CRYL1: variants seen among roughly 807,000 people sequenced by gnomAD.
CRYL1 encodes the protein lambda-crystallin homolog.
Under a neutral mutation model 36.6 loss-of-function variants are expected in CRYL1, and 29 were observed. The observed-to-expected ratio is 0.79, with a 90% confidence interval of 0.59 to 1.08. The LOEUF is 1.08. CRYL1 is among the 50% of genes least tolerant of loss of function. The probability of loss-of-function intolerance (pLI) is 0.00; values close to 1 mark genes in which losing one functional copy is unlikely to be tolerated. For synonymous variants in CRYL1, 152 were observed against 151.5 expected, an observed-to-expected ratio of 1.00 and a Z score of -0.02; for missense variants, 411 against 407.9, an observed-to-expected ratio of 1.01 and a Z score of -0.06.
At chr13:20,469,862 C>T (rs2033019280) in intron 3 of CRYL1, among the ~76,000 whole-genome samples, 1 of 152,182 alleles carries the variant, frequency 6.6e-6, no homozygotes, top group South Asian at 2.1e-4. Context: ...TGGACTACGA[C>T]CAGGTAAGCC....
At chr13:20,453,171 A>G (rs2032607149) in intron 3 of CRYL1, among the ~76,000 whole-genome samples, 1 of 152,178 alleles carries the variant, frequency 6.6e-6, no homozygotes, top group African/African-American at 2.4e-5. Flanking sequence ...TTCCAAGTTC[A>G]CATGTAATAT....
intron 3 of CRYL1, among the ~76,000 whole-genome samples, chr13:20,473,833 T>C (rs975274344): frequency 3.3e-5 from 5 of 152,158 alleles, no homozygotes; most frequent in Admixed American, 1.3e-4. Context: ...AATAAAACAA[T>C]GGCTCTCACG....
intron 1 of CRYL1, among the ~76,000 whole-genome samples, chr13:20,520,300 G>A (rs2034070574): frequency 6.6e-6 from 1 of 151,562 alleles, no homozygotes; most frequent in African/African-American, 2.4e-5. Context: ...GTGCTTTTCT[G>A]TTTTCAGGGA....
At chr13:20,516,892 G>A (rs2034008899) in intron 1 of CRYL1, among the ~76,000 whole-genome samples, 1 of 152,014 alleles carries the variant, frequency 6.6e-6, no homozygotes, top group South Asian at 2.1e-4. Context: ...GGCAACAGAG[G>A]GAAACTGCAT....
chr13:20,426,958 C>T, intron 5 of CRYL1: 2 of 985,670 alleles, frequency 2.0e-6, no homozygotes, highest in Non-Finnish European at 2.4e-6. Flanking sequence ...CCAAGGTCAG[C>T]AATTTCCGAA....
chr13:20,488,195 C>A (rs2033438620), intron 3 of CRYL1, among the ~76,000 whole-genome samples: 1 of 152,208 alleles, frequency 6.6e-6, no homozygotes, highest in Admixed American at 6.5e-5. Context: ...AGCAACTCTG[C>A]CAAGACCAGG....
chr13:20,516,779 CA>C (rs1330269533), intron 1 of CRYL1, among the ~76,000 whole-genome samples: 1 of 152,094 alleles, frequency 6.6e-6, no homozygotes, highest in East Asian at 1.9e-4. Context: ...CACGCCCGGC[CA>C]AAAGATAATT....
chr13:20,420,879 G>T (rs955432871), intron 5 of CRYL1, among the ~76,000 whole-genome samples: 2 of 151,526 alleles, frequency 1.3e-5, no homozygotes, highest in African/African-American at 4.9e-5. Flanking sequence ...GGGACTACAG[G>T]CCCGCCACCA....
At chr13:20,420,701 T>TTTTTTTTTTTTTTTTTTTTTTG in intron 5 of CRYL1, among the ~76,000 whole-genome samples, 2 of 21,840 alleles carry the variant, frequency 9.2e-5, no homozygotes, top group Admixed American at 3.5e-4. Flanking sequence ...AAAATAGAGG[T>TTTTTTTTTTTTTTTTTTTTTTG]TGTGTGTGTG....
At chr13:20,477,991 A>T (rs1211448524) in intron 3 of CRYL1, among the ~76,000 whole-genome samples, 2 of 146,858 alleles carry the variant, frequency 1.4e-5, no homozygotes, top group East Asian at 4.0e-4. Flanking sequence ...ATATATGTAT[A>T]TAAAAATATA....
In CRYL1 at chr13:20,427,981, A is replaced by G. The variant is rs187022618; in HGVS notation, c.633+4121T>C. 2.6e-3 allele frequency among the ~76,000 whole-genome samples: 389 copies of G among 152,296 alleles called. 1 individual carries two copies. Among genetic ancestry groups the G allele is most frequent in the African/African-American group, 9.2e-3 (382 of 41,578 alleles). ...AAACTCAATCAAGATGAAACAGACA[A>G]TCCAAATGGTTCCATAACCATTAAA... On this transcript the variant is annotated intron_variant, in intron 5 of 7. Coordinates refer to ENST00000298248, the MANE Select transcript of CRYL1 (RefSeq NM_015974.3).
At chr13:20,508,850 AAAAAAAAAAAAAAAAAAAAAAAAAAC>A (rs2033853210) in intron 2 of CRYL1, among the ~76,000 whole-genome samples, 2 of 12,670 alleles carry the variant, frequency 1.6e-4, no homozygotes, top group Middle Eastern at 0.021. Context: ...CGAGACTCCA[AAAAAAAAAAAAAAAAAAAAAAAAAAC>A]AAAAAAAAAA....
intron 2 of CRYL1, among the ~76,000 whole-genome samples, chr13:20,493,329 A>G (rs1418725816): frequency 2.0e-5 from 3 of 152,358 alleles, no homozygotes; most frequent in Admixed American, 6.5e-5. Context: ...AACCAGCCCA[A>G]GGGAAGCCTG....
At chr13:20,438,671 C>G (rs1197067129) in intron 4 of CRYL1, among the ~76,000 whole-genome samples, 1 of 152,204 alleles carries the variant, frequency 6.6e-6, no homozygotes, top group East Asian at 1.9e-4. Context: ...ATCAGCCCAA[C>G]TAGGTCCTAG....
chr13:20,431,771 G>C, intron 5 of CRYL1: 1 of 1,246,252 alleles, frequency 8.0e-7, no homozygotes, highest in Non-Finnish European at 1.0e-6. Flanking sequence ...AGGGGTAAAA[G>C]CTGCCTCTGT....
intron 3 of CRYL1, 116 bp from the exon 4 acceptor site, chr13:20,439,870 G>A (rs1170762264): frequency 1.9e-5 from 20 of 1,027,822 alleles, no homozygotes; most frequent in Non-Finnish European, 2.7e-5. Context: ...TGAGGTTCAA[G>A]ACGTGTTATC....
chr13:20,479,787 G>A (rs991251342), intron 3 of CRYL1, among the ~76,000 whole-genome samples: 2 of 152,150 alleles, frequency 1.3e-5, no homozygotes, highest in African/African-American at 4.8e-5. Flanking sequence ...TTTTTAAAGG[G>A]AGGGTTTCTG....
chr13:20,500,054 C>T (rs749926698), intron 2 of CRYL1, among the ~76,000 whole-genome samples: 4 of 152,312 alleles, frequency 2.6e-5, no homozygotes, highest in Non-Finnish European at 4.4e-5. Flanking sequence ...TGAGAGAAAA[C>T]TTCCAGTGCA....
chr13:20,423,611 C>G (rs1230319953), intron 5 of CRYL1, among the ~76,000 whole-genome samples: 2 of 151,820 alleles, frequency 1.3e-5, no homozygotes, highest in Non-Finnish European at 2.9e-5. Context: ...ATGAATTCCC[C>G]TTGATTATGT....
Sources: allele counts gnomAD v4.1 joint callset (sites outside exome capture counted in the v4.1 genomes callset), GRCh38; gene constraint gnomAD v4.1.1; transcripts MANE v1.5; gene names NCBI Gene and HGNC (gene_info 2026-07-23, HGNC 2026-07-21).